The following LYN variants were observed in gnomAD, a reference collection of about 807,000 sequenced individuals.
LYN encodes tyrosine-protein kinase Lyn.
In LYN, 12 loss-of-function variants were observed where a neutral mutation model predicts 65.0. That is an observed-to-expected ratio of 0.18 (90% confidence interval 0.12 to 0.30). The LOEUF (loss-of-function observed/expected upper bound fraction) is 0.30, where lower values mean the gene tolerates loss of function less well. Among genes scored for constraint, LYN ranks in the 10% least tolerant of loss-of-function variants. LYN has a pLI of 1.00. For missense variants in LYN, 380 were observed against 623.2 expected, an observed-to-expected ratio of 0.61 and a Z score of 4.16; for synonymous variants, 222 against 221.2, an observed-to-expected ratio of 1.00 and a Z score of -0.03.
intron 8 of LYN, among the ~76,000 whole-genome samples, chr8:55,961,984 G>T (rs1169714433): frequency 2.7e-5 from 4 of 150,580 alleles, no homozygotes. Flanking sequence ...GGGGATGTAT[G>T]CATCCCCCCA....
intron 10 of LYN, among the ~76,000 whole-genome samples, chr8:55,995,205 G>C (rs1442490768): frequency 2.0e-5 from 3 of 152,204 alleles, no homozygotes; most frequent in Non-Finnish European, 1.5e-5. Context: ...CTGGGCAGCA[G>C]AGGCTTCCTA....
intron 12 of LYN, among the ~76,000 whole-genome samples, chr8:56,007,610 G>T (rs752581266): frequency 6.6e-6 from 1 of 152,084 alleles, no homozygotes; most frequent in Non-Finnish European, 1.5e-5. Flanking sequence ...TTCTTTCAGC[G>T]GTTTAAATTC....
chr8:55,946,142 C>T (rs1437225454), intron 2 of LYN, among the ~76,000 whole-genome samples: 1 of 152,172 alleles, frequency 6.6e-6, no homozygotes, highest in Admixed American at 6.5e-5. Context: ...CAAACTGCCA[C>T]CCCAAATAAT....
chr8:55,955,646 G>T (rs533907070), intron 8 of LYN, among the ~76,000 whole-genome samples: 2 of 152,078 alleles, frequency 1.3e-5, no homozygotes, highest in Non-Finnish European at 2.9e-5. Flanking sequence ...TTATCATCCC[G>T]AAAGGAAACA....
At chr8:55,920,365 A>T (rs1394213922) in intron 1 of LYN, among the ~76,000 whole-genome samples, 2 of 152,216 alleles carry the variant, frequency 1.3e-5, no homozygotes, top group African/African-American at 4.8e-5. Flanking sequence ...TTGTTTGTGC[A>T]GAATGTCACA....
chr8:55,981,666 C>G (rs1807927757), intron 10 of LYN, among the ~76,000 whole-genome samples: 1 of 152,168 alleles, frequency 6.6e-6, no homozygotes, highest in Non-Finnish European at 1.5e-5. Context: ...AGAACACATG[C>G]TTTTGAAAAG....
At chr8:55,911,173 GTA>G (rs1424930975) in intron 1 of LYN, among the ~76,000 whole-genome samples, 19 of 14,854 alleles carry the variant, frequency 1.3e-3, no homozygotes, top group East Asian at 0.012. Flanking sequence ...ATATATACAC[GTA>G]TATATATATA....
At chr8:55,994,617 C>T (rs544444440) in intron 10 of LYN, among the ~76,000 whole-genome samples, 2 of 152,090 alleles carry the variant, frequency 1.3e-5, no homozygotes, top group South Asian at 2.1e-4. Flanking sequence ...CCTGTGTGGC[C>T]GATCAACAGC....
intron 10 of LYN, among the ~76,000 whole-genome samples, chr8:55,974,716 G>A (rs1350584925): frequency 1.3e-5 from 2 of 152,174 alleles, no homozygotes; most frequent in Non-Finnish European, 2.9e-5. Flanking sequence ...TGGAACGTAA[G>A]AGATGTGTTA....
Position 55,896,661 on chromosome 8 carries a change from A to T in LYN, c.-6+16558A>T, listed in dbSNP as rs1258356635. Among the ~76,000 whole-genome samples, 3 of 152,108 alleles carry T rather than the reference A, an allele frequency of 2.0e-5. No individual in the cohort carries two copies. In the East Asian group the frequency reaches 5.8e-4, roughly 29 times the overall value. On this transcript the variant is annotated intron_variant, in intron 1 of 12. Coordinates refer to ENST00000519728, the MANE Select transcript of LYN (RefSeq NM_002350.4). ...TTAGAAATTAGAGTATAATAAAAAA[A>T]TTTTAAAAAAAAGAAACATAGAATA... is the stretch of plus-strand genomic sequence containing the variant.
In LYN at chr8:56,014,117, A is replaced by G. The variant is rs1440999759; in HGVS notation, c.*4007A>G. The G allele has an allele frequency of 6.6e-6, 1 of 152,244 alleles. No homozygotes were observed. The highest frequency in any genetic ancestry group is 2.4e-5 in the African/African-American group (1 of 41,468). The allele number at this position is 152,244 out of a possible 1,614,324, so 9.4% of individuals were successfully genotyped here. ...GAGCATTTAAAGCCACAGAAGGAATAGATTGGCTTCGCTTCATATTGTTTC... is the reference window on the plus strand; with the variant it reads ...GAGCATTTAAAGCCACAGAAGGAATGGATTGGCTTCGCTTCATATTGTTTC... On this transcript the variant is annotated 3_prime_UTR_variant, in exon 13 of 13. Coordinates refer to ENST00000519728, the MANE Select transcript of LYN (RefSeq NM_002350.4).
At chr8:55,918,523 A>G (rs902122383) in intron 1 of LYN, among the ~76,000 whole-genome samples, 6 of 152,236 alleles carry the variant, frequency 3.9e-5, no homozygotes, top group African/African-American at 1.4e-4. Context: ...AGCAAAATAT[A>G]TGTTTAAGTG....
intron 1 of LYN, among the ~76,000 whole-genome samples, chr8:55,914,800 C>T (rs1436032480): frequency 6.6e-6 from 1 of 152,188 alleles, no homozygotes; most frequent in Non-Finnish European, 1.5e-5. Context: ...CTTCTCTTCA[C>T]TCCCACCCCT....
At chr8:55,971,706 G>A (rs1807613891) in intron 10 of LYN, among the ~76,000 whole-genome samples, 1 of 152,214 alleles carries the variant, frequency 6.6e-6, no homozygotes. Flanking sequence ...GGCTTATCTT[G>A]TAAGACTTTA....
intron 7 of LYN, among the ~76,000 whole-genome samples, chr8:55,952,371 C>A (rs1026462435): frequency 1.3e-5 from 2 of 151,776 alleles, no homozygotes; most frequent in African/African-American, 4.8e-5. Flanking sequence ...CCAGCCTGGC[C>A]AACCTGGTGA....
intron 12 of LYN, among the ~76,000 whole-genome samples, chr8:56,009,347 A>C (rs1268761693): frequency 1.3e-5 from 2 of 152,194 alleles, no homozygotes; most frequent in Non-Finnish European, 1.5e-5. Context: ...CTCCATGCTA[A>C]ATTTATTTAT....
intron 10 of LYN, among the ~76,000 whole-genome samples, chr8:55,984,673 T>C: frequency 6.6e-6 from 1 of 152,250 alleles, no homozygotes; most frequent in East Asian, 1.9e-4. Flanking sequence ...TGCTCAGCTG[T>C]GGCTTCCCCC....
At chr8:55,920,678 AT>A (rs57862713) in intron 1 of LYN, among the ~76,000 whole-genome samples, 5,737 of 150,524 alleles carry the variant, frequency 0.038, 117 homozygotes, top group African/African-American at 0.056. Flanking sequence ...ACTTCAGGAA[AT>A]TTTTTTTTTG....
At chr8:55,903,228 A>G (rs2130386501) in intron 1 of LYN, among the ~76,000 whole-genome samples, 1 of 151,894 alleles carries the variant, frequency 6.6e-6, no homozygotes, top group African/African-American at 2.4e-5. Context: ...CCTCACCTCA[A>G]GTGATTCGCC....
Sources: allele counts gnomAD v4.1 joint callset (sites outside exome capture counted in the v4.1 genomes callset), GRCh38; gene constraint gnomAD v4.1.1; transcripts MANE v1.5; gene names NCBI Gene and HGNC (gene_info 2026-07-23, HGNC 2026-07-21).